The following SMU1 variants were observed in gnomAD, a reference collection of about 807,000 sequenced individuals.
SMU1 encodes WD40 repeat-containing protein SMU1.
A neutral mutation model predicts 62.0 loss-of-function variants in SMU1; 2 were observed. The observed-to-expected ratio is 0.03, with a 90% CI of 0.01 to 0.10. SMU1 has a LOEUF of 0.10. Ranked by LOEUF, SMU1 falls within the 10% of genes least tolerant of loss-of-function variation. The pLI is 1.00. For missense variants in SMU1, 227 were observed against 622.1 expected (o/e 0.36, Z 6.76); for synonymous variants, 188 against 212.4 (o/e 0.89, Z 1.00).
chr9:33,061,997 G>A (rs1839367105), intron 5 of SMU1, 52 bp downstream of exon 5: 1 of 1,593,346 alleles, frequency 6.3e-7, no homozygotes, highest in Non-Finnish European at 8.6e-7. Context: ...CTGAGCCCAT[G>A]ACAAGTCCTC....
At position 33,047,524 on chromosome 9, in the gene SMU1, T is replaced by C. The variant is rs893455284; in HGVS notation, c.1444-133A>G. On this transcript the variant is annotated intron_variant, in intron 11 of 11. Coordinates refer to ENST00000397149, the MANE Select transcript of SMU1 (RefSeq NM_018225.3). Reference sequence around the variant, plus strand: ...TATTCCAAATGGCATAGGAGAAAGATGGAGGAGGGTTTTCCAACTCACATC... The same window carrying C: ...TATTCCAAATGGCATAGGAGAAAGACGGAGGAGGGTTTTCCAACTCACATC... The C allele has an allele frequency of 2.1e-5, 13 of 610,316 alleles. No homozygotes were observed. The African/African-American group carries it at 2.3e-4, about 11-fold the overall frequency. 37.8% of individuals were successfully genotyped at this position (610,316 alleles called of 1,614,324 possible).
chr9:33,048,314 T>C (rs555679082), intron 10 of SMU1, 56 bp from the exon 11 acceptor site: 91 of 1,591,258 alleles, frequency 5.7e-5, no homozygotes, highest in South Asian at 2.3e-4. Flanking sequence ...AGCTCAACCA[T>C]GTGCAGCATT....
Position 33,042,566 on chromosome 9 carries a change from T to A in SMU1, c.*4727A>T, listed in dbSNP as rs1839138109. 1 of 152,216 alleles carries A rather than the reference T, an allele frequency of 6.6e-6. No homozygotes were observed. Among genetic ancestry groups the A allele is most frequent in the Admixed American group, 6.5e-5 (1 of 15,274 alleles). 9.4% of individuals were successfully genotyped at this position (152,216 alleles called of 1,614,324 possible). A position where few individuals can be genotyped will look rare whatever the true frequency, so the allele number is the denominator to read the frequency against. On this transcript the variant is annotated 3_prime_UTR_variant, in exon 12 of 12. Coordinates refer to ENST00000397149, the MANE Select transcript of SMU1 (RefSeq NM_018225.3). ...TGTACGTGAAATTAGCTTCTCAACTTTTTTGTACGTACGGTACTGGTTCTT... is the reference window on the plus strand; with the variant it reads ...TGTACGTGAAATTAGCTTCTCAACTATTTTGTACGTACGGTACTGGTTCTT...
intron 2 of SMU1, 127 bp downstream of exon 2, chr9:33,073,469 C>A: frequency 1.6e-6 from 1 of 621,542 alleles, no homozygotes; most frequent in Non-Finnish European, 2.9e-6. Flanking sequence ...AATGTCAAGC[C>A]TTGCCATTGT....
chr9:33,065,233 G>A (rs533023782), intron 4 of SMU1, among the ~76,000 whole-genome samples: 10 of 152,192 alleles, frequency 6.6e-5, no homozygotes, highest in Admixed American at 2.0e-4. Context: ...ATCTAAAAAC[G>A]GATCATTTCC....
At chr9:33,059,757 C>G (rs1275320787) in intron 6 of SMU1, among the ~76,000 whole-genome samples, 1 of 150,276 alleles carries the variant, frequency 6.7e-6, no homozygotes, top group Non-Finnish European at 1.5e-5. Flanking sequence ...AGGCACCCAC[C>G]ACCAGGCCCA....
rs1376055955 is a variant in SMU1 at position 33,044,990 on chromosome 9, ATTACTCCTTTTAATTT to A, written c.*2287_*2302del. On this transcript the variant is annotated 3_prime_UTR_variant, in exon 12 of 12. Coordinates refer to ENST00000397149, the MANE Select transcript of SMU1 (RefSeq NM_018225.3). ...GTAACTTGAGCTTTTATCAGTTTTA[ATTACTCCTTTTAATTT>A]GCTCTTCTTCCCTATGTTTAGGCAG... 1 of 152,108 alleles carries A rather than the reference ATTACTCCTTTTAATTT, an allele frequency of 6.6e-6. No homozygotes were observed. Among genetic ancestry groups the A allele is most frequent in the Admixed American group, 6.6e-5 (1 of 15,264 alleles). 9.4% of individuals were successfully genotyped at this position (152,108 alleles called of 1,614,324 possible).
Position 33,042,575 on chromosome 9 carries a change from G to T in SMU1, c.*4718C>A, listed in dbSNP as rs112691699. On this transcript the variant is annotated 3_prime_UTR_variant, in exon 12 of 12. Transcript: ENST00000397149. ...AATTAGCTTCTCAACTTTTTTGTAC[G>T]TACGGTACTGGTTCTTAACCTTGGC... The T allele has an allele frequency of 6.6e-6, 1 of 152,144 alleles. No homozygotes were observed. Among genetic ancestry groups the T allele is most frequent in the Non-Finnish European group, 1.5e-5 (1 of 68,044 alleles). 9.4% of individuals were successfully genotyped at this position (152,144 alleles called of 1,614,324 possible). A position where few individuals can be genotyped will look rare whatever the true frequency, so the allele number is the denominator to read the frequency against.
chr9:33,046,553 C>T lies in SMU1; in HGVS notation c.*740G>A, dbSNP rs912214073. ...TTATGTACATTTTAGAACAAAGTCT[C>T]CAGAAAGGTATAAAGTTTATTAACA... On this transcript the variant is annotated 3_prime_UTR_variant, in exon 12 of 12. Coordinates refer to ENST00000397149, the MANE Select transcript of SMU1 (RefSeq NM_018225.3). The T allele has an allele frequency of 6.7e-6, 1 of 149,080 alleles. No homozygotes were observed. The highest frequency in any genetic ancestry group is 1.9e-4 in the East Asian group (1 of 5,132). The allele number at this position is 149,080 out of a possible 1,614,324, so 9.2% of individuals were successfully genotyped here. A position where few individuals can be genotyped will look rare whatever the true frequency, so the allele number is the denominator to read the frequency against.
At chr9:33,065,458 A>T (rs935100383) in intron 4 of SMU1, among the ~76,000 whole-genome samples, 3 of 152,346 alleles carry the variant, frequency 2.0e-5, no homozygotes, top group African/African-American at 2.4e-5. Context: ...TAAAAAAGAT[A>T]CATGCCCCAA....
intron 5 of SMU1, among the ~76,000 whole-genome samples, 169 bp from the exon 6 acceptor site, chr9:33,060,753 G>C (rs529327800): frequency 6.6e-6 from 1 of 152,210 alleles, no homozygotes; most frequent in African/African-American, 2.4e-5. Flanking sequence ...CTGGGTGGAT[G>C]TATTTTTCTC....
chr9:33,058,371 C>T (rs989186730), intron 6 of SMU1, among the ~76,000 whole-genome samples: 6 of 152,140 alleles, frequency 3.9e-5, no homozygotes, highest in African/African-American at 1.4e-4. Flanking sequence ...GGCTGCAGTG[C>T]AGTGATGCAA....
intron 4 of SMU1, among the ~76,000 whole-genome samples, chr9:33,067,859 G>A (rs570233658): frequency 2.0e-5 from 3 of 152,182 alleles, no homozygotes; most frequent in African/African-American, 4.8e-5. Flanking sequence ...TAGCTTTTTG[G>A]TCCTTTTCTA....
At chr9:33,059,680 A>G (rs1035668102) in intron 6 of SMU1, among the ~76,000 whole-genome samples, 17 of 147,764 alleles carry the variant, frequency 1.2e-4, no homozygotes, top group Non-Finnish European at 1.8e-4. Context: ...ATCTCGGCTC[A>G]CTGCAACCTC....
intron 9 of SMU1, 99 bp downstream of exon 9, chr9:33,056,014 T>G: frequency 8.1e-7 from 1 of 1,241,268 alleles, no homozygotes; most frequent in Non-Finnish European, 1.1e-6. Flanking sequence ...GGAAAGAGGT[T>G]TACTACAGCA....
intron 9 of SMU1, among the ~76,000 whole-genome samples, chr9:33,055,173 T>C (rs946418418): frequency 6.6e-5 from 10 of 151,908 alleles, no homozygotes; most frequent in South Asian, 4.2e-4. Context: ...TATATATATA[T>C]ACATACATTT....
In SMU1 at chr9:33,057,526, T is replaced by C. The variant is rs1032716701; in HGVS notation, c.867+72A>G. On this transcript the variant is annotated intron_variant, in intron 7 of 11. Transcript: ENST00000397149. ...GTAGCTATTATTATGCTGAATATCA[T>C]ATGTAGGACACTACCCCATAGCAGA... 192 of 1,550,768 alleles carry C rather than the reference T, an allele frequency of 1.2e-4. 2 individuals are homozygous for C. The highest frequency in any genetic ancestry group is 3.1e-4 in the South Asian group (28 of 89,556).
chr9:33,071,364 G>A (rs1839484173), intron 3 of SMU1, among the ~76,000 whole-genome samples: 1 of 152,134 alleles, frequency 6.6e-6, no homozygotes, highest in Non-Finnish European at 1.5e-5. Flanking sequence ...GACTAAAAAG[G>A]CTAGAAGGAA....
chr9:33,058,576 C>G (rs1207730557), intron 6 of SMU1, among the ~76,000 whole-genome samples: 3 of 152,126 alleles, frequency 2.0e-5, no homozygotes, highest in African/African-American at 7.2e-5. Context: ...TTCAGCCTCC[C>G]AAAGTGCTGG....
Sources: allele counts gnomAD v4.1 joint callset (sites outside exome capture counted in the v4.1 genomes callset), GRCh38; gene constraint gnomAD v4.1.1; transcripts MANE v1.5; gene names NCBI Gene and HGNC (gene_info 2026-07-23, HGNC 2026-07-21).